The following DBF4B variants were observed in gnomAD, a reference collection of about 807,000 sequenced individuals.
DBF4B encodes DBF4B-CDC7 kinase regulatory subunit.
Under a neutral mutation model 53.4 loss-of-function variants are expected in DBF4B, and 49 were observed. The observed-to-expected ratio is 0.92, with a 90% CI of 0.73 to 1.16. DBF4B has a LOEUF of 1.16. Ranked by LOEUF, DBF4B falls within the 50% of genes most tolerant of loss-of-function variation. DBF4B has a pLI of 0.00. For synonymous variants in DBF4B, 257 were observed against 288.7 expected (o/e 0.89, Z 1.11); for missense variants, 692 against 775.0 (o/e 0.89, Z 1.27).
intron 10 of DBF4B, among the ~76,000 whole-genome samples, chr17:44,743,776 ATTGT>A (rs1475875066): frequency 6.6e-6 from 1 of 151,628 alleles, no homozygotes; most frequent in Non-Finnish European, 1.5e-5. Flanking sequence ...CGCCCGGCTA[ATTGT>A]TTGTGTTTTT....
At chr17:44,746,204 C>T (rs2145138341) in intron 10 of DBF4B, among the ~76,000 whole-genome samples, 1 of 146,396 alleles carries the variant, frequency 6.8e-6, no homozygotes, top group Admixed American at 7.0e-5. Context: ...TGCACTCCAG[C>T]CTGGGTGACA....
At position 44,709,295 on chromosome 17, in the gene DBF4B, C is replaced by T. The variant is rs980659635; in HGVS notation, c.20-9C>T. ...AAGATGGTTGAGTTGCTGTTATGTC[C>T]TTTCTCAGGAGACGATTGCCTCGAG... On this transcript the variant is annotated splice_polypyrimidine_tract_variant and intron_variant, in intron 1 of 13. Transcript: ENST00000315005. 10 of 1,614,046 alleles carry T rather than the reference C, an allele frequency of 6.2e-6. No individual in the cohort carries two copies. The highest frequency in any genetic ancestry group is 8.5e-6 in the Non-Finnish European group (10 of 1,180,014).
intron 2 of DBF4B, 120 bp from the exon 3 acceptor site, chr17:44,722,760 G>C (rs1234948287): frequency 8.9e-7 from 1 of 1,127,876 alleles, no homozygotes; most frequent in Non-Finnish European, 1.3e-6. Context: ...AGCTGTCTGT[G>C]TGTGCCCAGG....
rs2049279606 is a variant in DBF4B at position 44,751,658 on chromosome 17, C to T, written c.*405C>T. 7.2e-7 allele frequency: 1 copy of T among 1,391,936 alleles called. No homozygotes were observed. Among genetic ancestry groups the T allele is most frequent in the South Asian group, 1.6e-5 (1 of 61,026 alleles). The allele number at this position is 1,391,936 out of a possible 1,614,324, so 86.2% of individuals were successfully genotyped here. ...GACTTCAAATACTTGAAGGCTCCCACCTTCTGTTCTCTGGCTCCTTCCTGC... is the reference window on the plus strand; with the variant it reads ...GACTTCAAATACTTGAAGGCTCCCATCTTCTGTTCTCTGGCTCCTTCCTGC... On this transcript the variant is annotated 3_prime_UTR_variant, in exon 14 of 14. Transcript: ENST00000315005.
chr17:44,713,341 G>A (rs572624328), intron 2 of DBF4B, among the ~76,000 whole-genome samples: 14 of 147,764 alleles, frequency 9.5e-5, no homozygotes, highest in African/African-American at 2.2e-4. Flanking sequence ...ACGCCCCGCC[G>A]ACATTATTTT....
intron 10 of DBF4B, among the ~76,000 whole-genome samples, chr17:44,745,237 A>C (rs116330251): frequency 0.011 from 1,625 of 152,272 alleles, 37 homozygotes; most frequent in African/African-American, 0.037. Context: ...TGGCAGTTGT[A>C]AATAAATCAA....
chr17:44,745,326 T>G (rs1976491072), intron 10 of DBF4B, among the ~76,000 whole-genome samples: 1 of 152,222 alleles, frequency 6.6e-6, no homozygotes, highest in South Asian at 2.1e-4. Context: ...CCCAAGTTTG[T>G]GGTTTGTCTT....
At chr17:44,738,229 G>T in intron 8 of DBF4B, 150 bp from the exon 9 acceptor site, 1 of 762,510 alleles carries the variant, frequency 1.3e-6, no homozygotes, top group Non-Finnish European at 2.1e-6. Flanking sequence ...TGAGTGAATG[G>T]AGAGCGCAGC....
intron 7 of DBF4B, among the ~76,000 whole-genome samples, chr17:44,735,908 T>G (rs1975372845): frequency 6.6e-6 from 1 of 152,170 alleles, no homozygotes; most frequent in Non-Finnish European, 1.5e-5. Context: ...TTATCTTACA[T>G]TTATTTACTT....
rs560069065 is a variant in DBF4B at position 44,714,883 on chromosome 17, A to G, written c.82+5517A>G. On this transcript the variant is annotated intron_variant, in intron 2 of 13. Coordinates refer to ENST00000315005, the MANE Select transcript of DBF4B (RefSeq NM_145663.3). ...TATTTTTTTTAATGGGCAGCCCCCA[A>G]ACCAGAATAGGTTCAGAGAGGCTCC... Among the ~76,000 whole-genome samples the G allele has an allele frequency of 4.6e-5, 7 of 151,968 alleles. No individual in the cohort carries two copies. The South Asian group carries it at 1.4e-3, about 31-fold the overall frequency.
In DBF4B at chr17:44,732,289, TG is replaced by T. The variant is rs775983624; in HGVS notation, c.556+25del. 31 of 1,612,092 alleles carry T rather than the reference TG, an allele frequency of 1.9e-5. 1 individual carries two copies. Among genetic ancestry groups the T allele is most frequent in the Non-Finnish European group, 2.5e-5 (30 of 1,178,646 alleles). On this transcript the variant is annotated intron_variant, in intron 6 of 13. Transcript: ENST00000315005. Reference sequence around the variant, plus strand: ...TGGTACCCTTTCTGTGCTGGGCTCCTGTGGAGGGAGAATTGGTGACTTTGAC... The same window carrying T: ...TGGTACCCTTTCTGTGCTGGGCTCCTTGGAGGGAGAATTGGTGACTTTGAC...
intron 5 of DBF4B, chr17:44,731,894 G>A: frequency 5.6e-6 from 2 of 355,016 alleles, no homozygotes; most frequent in South Asian, 4.6e-5. Context: ...CCAACGAACA[G>A]CTCTCTCAGA....
intron 2 of DBF4B, 55 bp from the exon 3 acceptor site, chr17:44,722,825 G>A: frequency 1.2e-6 from 2 of 1,600,264 alleles, no homozygotes; most frequent in Non-Finnish European, 1.7e-6. Flanking sequence ...GGGCCACCTG[G>A]CTTCAGGACT....
Position 44,725,684 on chromosome 17 carries a change from C to CTTTTTTTTTT in DBF4B, c.225+2673_225+2682dup, listed in dbSNP as rs68091397. 1.3e-3 allele frequency among the ~76,000 whole-genome samples: 116 copies of CTTTTTTTTTT among 87,578 alleles called. 4 individuals are homozygous for CTTTTTTTTTT. The highest frequency in any genetic ancestry group is 3.4e-3 in the South Asian group (8 of 2,380). The allele number at this position is 87,578 out of a possible 152,430, so 57.5% of individuals were successfully genotyped here. ...ATCCTGCCTTTGTTTTTTTGTGCTTCTTTTTTTTTTTTTTTTTTTTAAGAG... is the reference window on the plus strand; with the variant it reads ...ATCCTGCCTTTGTTTTTTTGTGCTTCTTTTTTTTTTTTTTTTTTTTTTTTTTTTTTAAGAG... On this transcript the variant is annotated intron_variant, in intron 3 of 13. Transcript: ENST00000315005.
At chr17:44,714,859 A>T (rs545235740) in intron 2 of DBF4B, among the ~76,000 whole-genome samples, 24 of 151,074 alleles carry the variant, frequency 1.6e-4, no homozygotes, top group East Asian at 1.6e-3. Flanking sequence ...TATTATTATT[A>T]TTTTTTTTAA....
chr17:44,717,489 T>G (rs1973427620), intron 2 of DBF4B, among the ~76,000 whole-genome samples: 1 of 151,606 alleles, frequency 6.6e-6, no homozygotes, highest in Non-Finnish European at 1.5e-5. Context: ...GGGGAATCAT[T>G]TGAAGCTAGG....
At chr17:44,739,898 G>A (rs1975828846) in intron 9 of DBF4B, among the ~76,000 whole-genome samples, 1 of 152,110 alleles carries the variant, frequency 6.6e-6, no homozygotes, top group Admixed American at 6.5e-5. Flanking sequence ...CCGAGTAGCT[G>A]GGACTAAAGG....
At position 44,749,154 on chromosome 17, in the gene DBF4B, C is replaced by G; in HGVS notation, c.1189+689C>G. 1.6e-6 allele frequency: 2 copies of G among 1,289,766 alleles called. No homozygotes were observed. Among genetic ancestry groups the G allele is most frequent in the Non-Finnish European group, 2.0e-6 (2 of 988,866 alleles). The allele number at this position is 1,289,766 out of a possible 1,614,324, so 79.9% of individuals were successfully genotyped here. A position where few individuals can be genotyped will look rare whatever the true frequency, so the allele number is the denominator to read the frequency against. On this transcript the variant is annotated intron_variant, in intron 13 of 13. Transcript: ENST00000315005. This position sits in a 1 kb window ranked among gnomAD's most constrained non-coding sequence, Gnocchi z 4.4. ...GAGCACCTGTAGAGAGCAGGTCTAC[C>G]TCCCTCCTGCAGCCCCTGCCAGCCA...
intron 6 of DBF4B, chr17:44,732,535 T>C: frequency 2.4e-6 from 1 of 421,752 alleles, no homozygotes. Context: ...CCAGCTAGTA[T>C]GATGATCCTG....
Sources: gnomAD v4.1 joint callset for allele counts (sites outside exome capture counted in the v4.1 genomes callset) on GRCh38, gnomAD v4.1.1 for gene constraint, Gnocchi (gnomAD v3.1) non-coding constraint, MANE v1.5 for transcripts, NCBI Gene and HGNC (gene_info 2026-07-23, HGNC 2026-07-21) for gene names.